The following RPS3 variants were observed in gnomAD, a reference collection of about 807,000 sequenced individuals.
The protein encoded by RPS3 is small ribosomal subunit protein uS3.
Under a neutral mutation model 25.8 loss-of-function variants are expected in RPS3, and 2 were observed. That is an observed-to-expected ratio of 0.08 (90% CI 0.03 to 0.24). The LOEUF (loss-of-function observed/expected upper bound fraction) is 0.24, where lower values mean the gene tolerates loss of function less well. RPS3 is among the 10% of genes least tolerant of loss of function. The probability of loss-of-function intolerance (pLI) is 1.00; values close to 1 mark genes in which losing one functional copy is unlikely to be tolerated. For synonymous variants in RPS3, 114 were observed against 114.2 expected, an observed-to-expected ratio of 1.00 and a Z score of 0.01; for missense variants, 107 against 307.1, an observed-to-expected ratio of 0.35 and a Z score of 4.87.
chr11:75,403,856 G>C, intron 4 of RPS3, 164 bp from the exon 5 acceptor site: 7 of 628,620 alleles, frequency 1.1e-5, no homozygotes, highest in Non-Finnish European at 1.9e-5. Context: ...TTACCCTAAG[G>C]TTCGGAATGA....
rs1948289274 is a variant in RPS3 at position 75,406,464 on chromosome 11, T to G, written c.*854T>G. On this transcript the variant is annotated 3_prime_UTR_variant, in exon 7 of 7. Transcript: ENST00000531188. ...TGGTGATGCAGCCTGGCTGATGAGA[T>G]AACCCTGGCTCCACAGATGGCTTAG... 1 of 152,226 alleles carries G rather than the reference T, an allele frequency of 6.6e-6. No homozygotes were observed. Among genetic ancestry groups the G allele is most frequent in the Admixed American group, 6.5e-5 (1 of 15,288 alleles). The allele number at this position is 152,226 out of a possible 1,614,324, so 9.4% of individuals were successfully genotyped here. A position where few individuals can be genotyped will look rare whatever the true frequency, so the allele number is the denominator to read the frequency against.
At chr11:75,410,873 G>C (rs1188992713), downstream of RPS3, among the ~76,000 whole-genome samples, 1 of 152,234 alleles carries the variant, frequency 6.6e-6, no homozygotes, top group East Asian at 1.9e-4. Context: ...GCAATCGCAG[G>C]CACTCTATTT....
chr11:75,404,594 CTGCT>C lies in RPS3; in HGVS notation c.539-73_539-70del, dbSNP rs1853115973. The C allele has an allele frequency of 7.0e-7, 1 of 1,426,108 alleles. No individual in the cohort carries two copies. Among genetic ancestry groups the C allele is most frequent in the Non-Finnish European group, 9.9e-7 (1 of 1,011,508 alleles). 88.3% of individuals were successfully genotyped at this position (1,426,108 alleles called of 1,614,324 possible). A position where few individuals can be genotyped will look rare whatever the true frequency, so the allele number is the denominator to read the frequency against. ...CCAGACCCAGGGGTGCTTGAGTAAA[CTGCT>C]TGCTCTCTTTGGTCTTGTGTGATGG... On this transcript the variant is annotated intron_variant, in intron 5 of 6. Transcript: ENST00000531188. This position sits in a 1 kb window ranked among gnomAD's most constrained non-coding sequence, Gnocchi z 4.6.
intron 2 of RPS3, 146 bp from the exon 3 acceptor site, chr11:75,401,489 CAAAAA>C (rs111445702): frequency 6.1e-6 from 3 of 493,490 alleles, no homozygotes; most frequent in African/African-American, 2.1e-5. Flanking sequence ...GACCCTGTCT[CAAAAA>C]AAAAAGCTGC....
chr11:75,410,414 C>T (rs1284665001), downstream of RPS3, among the ~76,000 whole-genome samples: 1 of 151,896 alleles, frequency 6.6e-6, no homozygotes, highest in Non-Finnish European at 1.5e-5. Context: ...AGACGCTGCT[C>T]ACTTCCTAGA....
chr11:75,419,627 GTTTTTA>G (rs1220375245), intron 6 of RPS3, among the ~76,000 whole-genome samples: 6 of 151,946 alleles, frequency 3.9e-5, no homozygotes, highest in Admixed American at 1.3e-4. Flanking sequence ...ATTTTATTTT[GTTTTTA>G]TTTTTATTTT....
At chr11:75,418,512 AAAT>A (rs1286256482) in intron 6 of RPS3, among the ~76,000 whole-genome samples, 13 of 152,222 alleles carry the variant, frequency 8.5e-5, no homozygotes, top group Non-Finnish European at 1.3e-4. Flanking sequence ...ATTTTTTAAA[AAAT>A]AAAGTACAGG....
chr11:75,409,766 G>A (rs1476358391), downstream of RPS3, among the ~76,000 whole-genome samples: 3 of 151,292 alleles, frequency 2.0e-5, no homozygotes, highest in Non-Finnish European at 4.4e-5. Context: ...GGGCGGCCGG[G>A]CAGAAGTGCC....
intron 6 of RPS3, among the ~76,000 whole-genome samples, chr11:75,412,285 G>A (rs1039425510): frequency 3.3e-5 from 5 of 152,142 alleles, no homozygotes; most frequent in South Asian, 2.1e-4. Context: ...CCTCCAGCAC[G>A]ACTGTATTTG....
intron 4 of RPS3, chr11:75,403,034 CAG>C (rs945604967): frequency 1.3e-5 from 2 of 152,176 alleles, no homozygotes; most frequent in African/African-American, 4.8e-5. Context: ...AAGATTTCAA[CAG>C]GAAGTTCTTT....
intron 4 of RPS3, 154 bp downstream of exon 4, chr11:75,402,600 C>A: frequency 1.4e-6 from 1 of 725,126 alleles, no homozygotes; most frequent in South Asian, 2.2e-5. Flanking sequence ...CCTCACTGAA[C>A]TGGCAGGCTA....
At position 75,404,624 on chromosome 11, in the gene RPS3, G is replaced by T. The variant is rs773508187; in HGVS notation, c.539-48G>T. Reference sequence around the variant, plus strand: ...TGCTCTCTTTGGTCTTGTGTGATGGGGGCCTTTGAGACCCCAGCTGTGTGC... The same window carrying T: ...TGCTCTCTTTGGTCTTGTGTGATGGTGGCCTTTGAGACCCCAGCTGTGTGC... On this transcript the variant is annotated intron_variant, in intron 5 of 6. Coordinates refer to ENST00000531188, the MANE Select transcript of RPS3 (RefSeq NM_001005.5). This position sits in a 1 kb window ranked among gnomAD's most constrained non-coding sequence, Gnocchi z 4.6. The T allele has an allele frequency of 6.4e-7, 1 of 1,563,460 alleles. No individual in the cohort carries two copies. The highest frequency in any genetic ancestry group is 8.8e-7 in the Non-Finnish European group (1 of 1,137,666).
At chr11:75,418,484 GA>G (rs910184744) in intron 6 of RPS3, among the ~76,000 whole-genome samples, 4 of 151,492 alleles carry the variant, frequency 2.6e-5, no homozygotes, top group East Asian at 1.9e-4. Context: ...TGGTGGTAGG[GA>G]AAAAAAAGGT....
chr11:75,418,741 A>G (rs186598296), intron 6 of RPS3, among the ~76,000 whole-genome samples: 2 of 152,336 alleles, frequency 1.3e-5, no homozygotes, highest in East Asian at 3.9e-4. Flanking sequence ...GTGGAGCCCT[A>G]GTAGCTCTGA....
Position 75,404,703 on chromosome 11 carries a change from G to T in RPS3, c.570G>T (p.Leu190=). The part of the protein sequence containing the change: ...GVLGIKVKIM[L]PWDPTGKIGP... ...TGGGCATCAAGGTGAAGATCATGCT[G>T]CCCTGGGACCCAACTGGTAAGATTG... is the stretch of plus-strand genomic sequence containing the variant. Residue 190 remains leucine (L), a synonymous_variant, in exon 6 of 7, where the codon CTG becomes CTT. Coordinates refer to ENST00000531188, the MANE Select transcript of RPS3 (RefSeq NM_001005.5). This position sits in a 1 kb window ranked among gnomAD's most constrained non-coding sequence, Gnocchi z 4.6. 3 of 1,613,090 alleles carry T rather than the reference G, an allele frequency of 1.9e-6. No individual in the cohort carries two copies. The highest frequency in any genetic ancestry group is 2.5e-6 in the Non-Finnish European group (3 of 1,179,702).
intron 6 of RPS3, among the ~76,000 whole-genome samples, chr11:75,417,915 C>CT (rs928248256): frequency 6.6e-6 from 1 of 152,220 alleles, no homozygotes; most frequent in Admixed American, 6.5e-5. Flanking sequence ...TGGAGATCAG[C>CT]TTACTACTGT....
intron 6 of RPS3, among the ~76,000 whole-genome samples, chr11:75,420,140 T>A (rs1014048473): frequency 2.0e-5 from 3 of 152,224 alleles, no homozygotes; most frequent in African/African-American, 7.2e-5. Flanking sequence ...CCTGGCTTCC[T>A]GCTAAGTGGT....
downstream of RPS3, among the ~76,000 whole-genome samples, chr11:75,409,917 C>G (rs1478804096): frequency 2.1e-5 from 3 of 143,208 alleles, no homozygotes; most frequent in African/African-American, 7.7e-5. Context: ...ACCTCCCGGA[C>G]GGGGCGGCCG....
At chr11:75,416,673 G>T (rs1319137218) in intron 6 of RPS3, among the ~76,000 whole-genome samples, 1 of 152,054 alleles carries the variant, frequency 6.6e-6, no homozygotes, top group Non-Finnish European at 1.5e-5. Flanking sequence ...GGCCAGGCTG[G>T]TCTTGAACTC....
Sources: gnomAD v4.1 joint callset for allele counts (sites outside exome capture counted in the v4.1 genomes callset) on GRCh38, gnomAD v4.1.1 for gene constraint, Gnocchi (gnomAD v3.1) non-coding constraint, MANE v1.5 for transcripts, NCBI Gene and HGNC (gene_info 2026-07-23, HGNC 2026-07-21) for gene names.